Variants in TRIP4 observed in about 807,000 individuals in gnomAD.
The protein encoded by TRIP4 is activating signal cointegrator 1.
Under a neutral mutation model 81.8 loss-of-function variants are expected in TRIP4, and 54 were observed. The ratio of observed to expected loss-of-function variants is 0.66; its 90% CI spans 0.53 to 0.83. The LOEUF (loss-of-function observed/expected upper bound fraction) is 0.83. TRIP4 is among the 40% of genes least tolerant of loss of function. The pLI is 0.00. For missense variants in TRIP4, 662 were observed against 683.6 expected, an observed-to-expected ratio of 0.97 and a Z score of 0.35; for synonymous variants, 270 against 242.8, an observed-to-expected ratio of 1.11 and a Z score of -1.04.
At chr15:64,432,290 T>A (rs1201392933) in intron 11 of TRIP4, among the ~76,000 whole-genome samples, 1 of 152,030 alleles carries the variant, frequency 6.6e-6, no homozygotes, top group African/African-American at 2.4e-5. Flanking sequence ...AACATGAAAT[T>A]CTTAAGATTT....
At chr15:64,388,481 A>T (rs1296894815) in intron 1 of TRIP4, among the ~76,000 whole-genome samples, 1 of 152,024 alleles carries the variant, frequency 6.6e-6, no homozygotes, top group Non-Finnish European at 1.5e-5. Flanking sequence ...TAATTTTTAA[A>T]AATTTTTAGT....
chr15:64,395,825 C>T (rs1448786520), intron 3 of TRIP4, among the ~76,000 whole-genome samples: 1 of 151,722 alleles, frequency 6.6e-6, no homozygotes, highest in Non-Finnish European at 1.5e-5. Flanking sequence ...ATTGCAACCT[C>T]CGCTTCCTGG....
At chr15:64,428,228 G>C (rs1259241539) in intron 11 of TRIP4, among the ~76,000 whole-genome samples, 1 of 152,190 alleles carries the variant, frequency 6.6e-6, no homozygotes, top group East Asian at 1.9e-4. Flanking sequence ...TCAATCTCTA[G>C]ATAGCCAATC....
intron 4 of TRIP4, among the ~76,000 whole-genome samples, chr15:64,399,792 C>T (rs544879455): frequency 3.7e-4 from 56 of 151,940 alleles, no homozygotes; most frequent in African/African-American, 1.1e-3. Context: ...TGAGCCACTG[C>T]GCCTGGCCCT....
chr15:64,432,687 G>A (rs776110579), intron 11 of TRIP4, among the ~76,000 whole-genome samples: 2 of 151,694 alleles, frequency 1.3e-5, no homozygotes, highest in Non-Finnish European at 2.9e-5. Flanking sequence ...CAAGATGGGC[G>A]GATCACAAGG....
chr15:64,398,424 CAAAAA>C (rs745672952), intron 4 of TRIP4, among the ~76,000 whole-genome samples: 7 of 16,324 alleles, frequency 4.3e-4, no homozygotes, highest in Admixed American at 1.4e-3. Flanking sequence ...CCTGTCTCTA[CAAAAA>C]AAAAAAAAAA....
chr15:64,397,067 T>G (rs1208247817), intron 3 of TRIP4, among the ~76,000 whole-genome samples: 2 of 152,230 alleles, frequency 1.3e-5, no homozygotes, highest in Non-Finnish European at 2.9e-5. Flanking sequence ...TTATTAGGTT[T>G]TTTTTGCCCT....
chr15:64,438,014 G>A (rs1000838870), intron 11 of TRIP4, among the ~76,000 whole-genome samples: 3 of 152,122 alleles, frequency 2.0e-5, no homozygotes, highest in Admixed American at 6.6e-5. Context: ...GGATATGAAG[G>A]GTGAGAGAAG....
At chr15:64,435,893 G>GA (rs36118366) in intron 11 of TRIP4, among the ~76,000 whole-genome samples, 110,910 of 127,530 alleles carry the variant, frequency 0.87, 48,806 homozygotes, top group East Asian at 0.95. Flanking sequence ...ATGGTAGATT[G>GA]AAAAAAAAAA....
At chr15:64,392,809 C>T (rs926862538) in intron 1 of TRIP4, among the ~76,000 whole-genome samples, 1 of 152,008 alleles carries the variant, frequency 6.6e-6, no homozygotes, top group Non-Finnish European at 1.5e-5. Flanking sequence ...GAGACAAGGT[C>T]TCCCTATGTT....
At chr15:64,410,935 G>C (rs994827269) in intron 7 of TRIP4, among the ~76,000 whole-genome samples, 8 of 152,124 alleles carry the variant, frequency 5.3e-5, no homozygotes, top group African/African-American at 1.7e-4. Flanking sequence ...CATTTGAAAA[G>C]ATGTTTAACT....
chr15:64,394,018 CA>C lies in TRIP4; in HGVS notation c.180del (p.Gly61ValfsTer4), dbSNP rs1446427502. ...VTDLLQGNEG[K>X]KGQFIEELIT... Reference sequence around the variant, plus strand: ...CTGATCTCCTCCAGGGAAATGAAGGCAAAAAAGGTCAATTCATAGAAGAACT... The same window carrying C: ...CTGATCTCCTCCAGGGAAATGAAGGCAAAAAGGTCAATTCATAGAAGAACT... On this transcript the variant is annotated frameshift_variant, in exon 2 of 13. Transcript: ENST00000261884. LOFTEE classifies it high-confidence loss of function. 9.3e-6 allele frequency: 15 copies of C among 1,608,984 alleles called. No homozygotes were observed. The highest frequency in any genetic ancestry group is 1.7e-5 in the Admixed American group (1 of 59,294).
chr15:64,430,537 A>T (rs1892246220), intron 11 of TRIP4, among the ~76,000 whole-genome samples: 2 of 152,218 alleles, frequency 1.3e-5, no homozygotes, highest in African/African-American at 4.8e-5. Context: ...TGATTGCCAA[A>T]TCCATAACCA....
At chr15:64,401,316 T>C (rs1891502279) in intron 5 of TRIP4, among the ~76,000 whole-genome samples, 1 of 152,058 alleles carries the variant, frequency 6.6e-6, no homozygotes, top group African/African-American at 2.4e-5. Context: ...TTGTATTTTT[T>C]AGTAGAGATG....
At chr15:64,393,096 A>G (rs1280625680) in intron 1 of TRIP4, among the ~76,000 whole-genome samples, 5 of 151,908 alleles carry the variant, frequency 3.3e-5, no homozygotes, top group Non-Finnish European at 7.4e-5. Context: ...CTTGCATTCC[A>G]TATCATTGTG....
At chr15:64,409,850 G>A in intron 7 of TRIP4, 22 bp downstream of exon 7, 1 of 1,602,096 alleles carries the variant, frequency 6.2e-7, no homozygotes, top group Non-Finnish European at 8.5e-7. Context: ...GCACTAGAAA[G>A]GGTCTCAAAG....
At position 64,397,791 on chromosome 15, in the gene TRIP4, A is replaced by C. The variant is rs1480012553; in HGVS notation, c.591A>C (p.Ser197=). 6.2e-7 allele frequency: 1 copy of C among 1,614,142 alleles called. No individual in the cohort carries two copies. Among genetic ancestry groups the C allele is most frequent in the Non-Finnish European group, 8.5e-7 (1 of 1,180,054 alleles). The change falls in exon 4 of 13, where the codon TCA becomes TCC. Residue 197 remains serine, a synonymous_variant. Coordinates refer to ENST00000261884, the MANE Select transcript of TRIP4 (RefSeq NM_016213.5). ...GCATTGTCTGTGAACAAGAAGGCTCAGGCCCTTGCTTATTCTGTGGCACTC... is the reference window on the plus strand; with the variant it reads ...GCATTGTCTGTGAACAAGAAGGCTCCGGCCCTTGCTTATTCTGTGGCACTC... ...CGRIVCEQEG[S]GPCLFCGTLV... is the part of the protein sequence containing the mutation.
intron 4 of TRIP4, 98 bp from the exon 5 acceptor site, chr15:64,400,645 C>G: frequency 1.2e-6 from 1 of 865,434 alleles, no homozygotes. Flanking sequence ...ATTATTTTAT[C>G]ATCATCTAAT....
Position 64,397,602 on chromosome 15 carries a change from A to G in TRIP4, c.406-4A>G. 1 of 1,609,812 alleles carries G rather than the reference A, an allele frequency of 6.2e-7. No homozygotes were observed. The highest frequency in any genetic ancestry group is 8.5e-7 in the Non-Finnish European group (1 of 1,176,386). The stretch of plus-strand genomic sequence containing the variant: ...GATGTTATTTTGATGTCTTTGTACG[A>G]TAGGCACAAGAGAACAGCAACTCCG... On this transcript the variant is annotated splice_polypyrimidine_tract_variant and splice_region_variant and intron_variant, in intron 3 of 12. Coordinates refer to ENST00000261884, the MANE Select transcript of TRIP4 (RefSeq NM_016213.5).
Sources: gnomAD v4.1 joint callset for allele counts (sites outside exome capture counted in the v4.1 genomes callset) on GRCh38, gnomAD v4.1.1 for gene constraint, MANE v1.5 for transcripts, NCBI Gene and HGNC (gene_info 2026-07-23, HGNC 2026-07-21) for gene names.